Variants in AKAP6 observed in about 807,000 individuals in gnomAD.
AKAP6 encodes A-kinase anchoring protein 6, also known as A-kinase anchor protein 6.
Under a neutral mutation model 188.5 loss-of-function variants are expected in AKAP6, and 58 were observed. The observed-to-expected ratio is 0.31, with a 90% CI of 0.25 to 0.38. The LOEUF is 0.38. AKAP6 is among the 10% of genes least tolerant of loss of function. The pLI is 1.00. For missense variants in AKAP6, 2,710 were observed against 2,740.0 expected, an observed-to-expected ratio of 0.99 and a Z score of 0.24; for synonymous variants, 989 against 998.6, an observed-to-expected ratio of 0.99 and a Z score of 0.18.
intron 5 of AKAP6, among the ~76,000 whole-genome samples, chr14:32,594,545 G>A (rs1297832000): frequency 6.6e-6 from 1 of 152,054 alleles, no homozygotes; most frequent in African/African-American, 2.4e-5. Context: ...TGGTACCTCT[G>A]CCCATCCTCT....
chr14:32,439,152 T>A (rs1009377513), intron 2 of AKAP6: 5 of 152,216 alleles, frequency 3.3e-5, no homozygotes, highest in African/African-American at 1.2e-4. Context: ...TTACAAGATG[T>A]TCTGACTGGG....
At chr14:32,697,133 A>G (rs1208112178) in intron 9 of AKAP6, among the ~76,000 whole-genome samples, 6 of 152,210 alleles carry the variant, frequency 3.9e-5, no homozygotes, top group Non-Finnish European at 1.5e-5. Context: ...TTCTTCTTCA[A>G]TGGTATCATT....
chr14:32,657,770 G>T (rs767415357), intron 7 of AKAP6, among the ~76,000 whole-genome samples: 1 of 151,540 alleles, frequency 6.6e-6, no homozygotes, highest in Non-Finnish European at 1.5e-5. Context: ...ACAATGATCT[G>T]CTACATGGAT....
chr14:32,462,765 A>T (rs560506091), intron 2 of AKAP6, among the ~76,000 whole-genome samples: 1 of 152,274 alleles, frequency 6.6e-6, no homozygotes, highest in East Asian at 1.9e-4. Flanking sequence ...TGCCCCAATT[A>T]AAAGACACAG....
At chr14:32,488,127 C>G (rs1011596523) in intron 2 of AKAP6, among the ~76,000 whole-genome samples, 2 of 152,232 alleles carry the variant, frequency 1.3e-5, no homozygotes, top group Non-Finnish European at 2.9e-5. Context: ...GCTGCGCCCA[C>G]AGCTACCCCT....
At chr14:32,436,010 C>G (rs61981136) in intron 2 of AKAP6, among the ~76,000 whole-genome samples, 12,411 of 152,072 alleles carry the variant, frequency 0.082, 662 homozygotes, top group South Asian at 0.22. Flanking sequence ...TAAGAATAAA[C>G]GGGAACTTGG....
At chr14:32,718,381 T>C (rs2030342868) in intron 9 of AKAP6, 2 of 965,212 alleles carry the variant, frequency 2.1e-6, no homozygotes, top group Non-Finnish European at 2.5e-6. Flanking sequence ...CTGACAAATA[T>C]GGGTAGGTAC....
intron 1 of AKAP6, among the ~76,000 whole-genome samples, chr14:32,391,686 C>G (rs1888722692): frequency 6.6e-6 from 1 of 152,140 alleles, no homozygotes; most frequent in Admixed American, 6.5e-5. Flanking sequence ...GAACCTCTAA[C>G]CCCACTGCCT....
In AKAP6 at chr14:32,834,613, C is replaced by T. The variant is rs1401823657; in HGVS notation, c.*4808C>T. On this transcript the variant is annotated 3_prime_UTR_variant, in exon 14 of 14. Transcript: ENST00000280979. Reference sequence around the variant, plus strand: ...ATTTTTCTTTGGGCTTTTATAACATCGACAGTTCTGAAAAGTCCAGGCCAG... The same window carrying T: ...ATTTTTCTTTGGGCTTTTATAACATTGACAGTTCTGAAAAGTCCAGGCCAG... 1 of 139,584 alleles carries T rather than the reference C, an allele frequency of 7.2e-6. No homozygotes were observed. Among genetic ancestry groups the T allele is most frequent in the Non-Finnish European group, 1.5e-5 (1 of 66,020 alleles). The allele number at this position is 139,584 out of a possible 1,614,324, so 8.6% of individuals were successfully genotyped here. A position where few individuals can be genotyped will look rare whatever the true frequency, so the allele number is the denominator to read the frequency against.
In AKAP6 at chr14:32,696,058, T is replaced by C. The variant is rs752084636; in HGVS notation, c.2948T>C (p.Met983Thr). The change falls in exon 9 of 14, where the codon ATG (methionine) becomes ACG (threonine). Residue 983 changes from methionine to threonine, a missense_variant. Transcript: ENST00000280979. ...CTGATTGACATGGAGTCCCTTGTGA[T>C]GGACAGCCACGACCTGATGATGTCA... ...DWLIDMESLVMDSHDLMMSEE... is the reference protein window; with the variant it reads ...DWLIDMESLVTDSHDLMMSEE... 5.0e-6 allele frequency: 8 copies of C among 1,612,994 alleles called. No homozygotes were observed. The highest frequency in any genetic ancestry group is 1.7e-6 in the Non-Finnish European group (2 of 1,179,712).
chr14:32,459,957 G>A (rs1334909593), intron 2 of AKAP6, among the ~76,000 whole-genome samples: 1 of 152,090 alleles, frequency 6.6e-6, no homozygotes, highest in Non-Finnish European at 1.5e-5. Flanking sequence ...TCCATGTAAG[G>A]ACTGCTGGCA....
At chr14:32,562,364 C>T (rs1306414568) in intron 4 of AKAP6, among the ~76,000 whole-genome samples, 1 of 146,604 alleles carries the variant, frequency 6.8e-6, no homozygotes, top group Non-Finnish European at 1.5e-5. Flanking sequence ...TTTCTTCCTA[C>T]CTGAGCCCCA....
chr14:32,449,344 C>G (rs1400496860), intron 2 of AKAP6, among the ~76,000 whole-genome samples: 3 of 151,858 alleles, frequency 2.0e-5, no homozygotes, highest in Non-Finnish European at 4.4e-5. Context: ...CCTGTCTTTT[C>G]TAAAAATACA....
rs75290078 is a variant in AKAP6, at chr14:32,700,369, C to T, written c.3000+4259C>T. Among the ~76,000 whole-genome samples, 14 of 152,182 alleles carry T rather than the reference C, an allele frequency of 9.2e-5. No individual in the cohort carries two copies. In the East Asian group the frequency reaches 2.7e-3, roughly 29 times the overall value. On this transcript the variant is annotated intron_variant, in intron 9 of 13. Transcript: ENST00000280979. ...CAAGGGCCAAATTCAGAAGTTGCAG[C>T]CTGGTGATTATTGTTATAATTAAAC...
chr14:32,340,320 A>G (rs368064609), intron 1 of AKAP6, among the ~76,000 whole-genome samples: 58 of 152,318 alleles, frequency 3.8e-4, no homozygotes, highest in Middle Eastern at 3.4e-3. Context: ...AATATATGGC[A>G]TGGTCAGTTG....
intron 7 of AKAP6, among the ~76,000 whole-genome samples, chr14:32,616,280 C>T (rs1886577188): frequency 6.6e-6 from 1 of 152,128 alleles, no homozygotes; most frequent in African/African-American, 2.4e-5. Flanking sequence ...ATTAATCGTT[C>T]TATCATAAAG....
At chr14:32,566,393 C>T (rs1401805270) in intron 4 of AKAP6, among the ~76,000 whole-genome samples, 1 of 151,834 alleles carries the variant, frequency 6.6e-6, no homozygotes, top group Non-Finnish European at 1.5e-5. Flanking sequence ...TGATAAAGCT[C>T]AAAGAAGCAA....
intron 7 of AKAP6, among the ~76,000 whole-genome samples, chr14:32,651,007 A>G (rs1179291087): frequency 6.6e-6 from 1 of 152,196 alleles, no homozygotes; most frequent in Non-Finnish European, 1.5e-5. Flanking sequence ...ATGATACCCA[A>G]TTATTCCATC....
intron 2 of AKAP6, among the ~76,000 whole-genome samples, chr14:32,506,341 G>T (rs1880876301): frequency 2.0e-5 from 3 of 152,040 alleles, no homozygotes; most frequent in African/African-American, 4.8e-5. Context: ...TCACCTAATG[G>T]CCGATAAGTC....
Sources: gnomAD v4.1 joint callset for allele counts (sites outside exome capture counted in the v4.1 genomes callset) on GRCh38, gnomAD v4.1.1 for gene constraint, MANE v1.5 for transcripts, NCBI Gene and HGNC (gene_info 2026-07-23, HGNC 2026-07-21) for gene names.